The following ZNF107 variants were observed in gnomAD, a reference collection of about 807,000 sequenced individuals.
The protein encoded by ZNF107 is C2H2 type zinc-finger protein.
In ZNF107, 19 loss-of-function variants were observed where a neutral mutation model predicts 12.3. The ratio of observed to expected loss-of-function variants is 1.55; its 90% CI spans 1.08 to 2.27. ZNF107 has a LOEUF of 2.27. ZNF107 is among the 30% of genes most tolerant of loss of function. The pLI, the probability that ZNF107 is intolerant of heterozygous loss-of-function variation, is 0.00. For missense variants in ZNF107, 958 were observed against 979.9 expected (o/e 0.98, Z 0.30); for synonymous variants, 317 against 330.5 (o/e 0.96, Z 0.44).
At chr7:64,698,034 C>G (rs1418408344) in intron 3 of ZNF107, among the ~76,000 whole-genome samples, 2 of 152,112 alleles carry the variant, frequency 1.3e-5, no homozygotes, top group African/African-American at 2.4e-5. Context: ...CACCAGAAGT[C>G]AATATGGGTT....
intron 1 of ZNF107, among the ~76,000 whole-genome samples, chr7:64,681,127 G>T (rs541060120): frequency 1.3e-5 from 2 of 152,238 alleles, no homozygotes; most frequent in African/African-American, 4.8e-5. Context: ...CTCCTTCTCT[G>T]ATCTCCTCGG....
intron 1 of ZNF107, among the ~76,000 whole-genome samples, chr7:64,669,876 A>G (rs1181103379): frequency 6.6e-6 from 1 of 152,248 alleles, no homozygotes; most frequent in Non-Finnish European, 1.5e-5. Flanking sequence ...AACCCAAGTG[A>G]ATAACCTTGA....
At position 64,666,515 on chromosome 7, in the gene ZNF107, C is replaced by T. The variant is rs116100545; in HGVS notation, c.3+230C>T. Among the ~76,000 whole-genome samples, 366 of 152,310 alleles carry T rather than the reference C, an allele frequency of 2.4e-3. 4 individuals carry two copies. Among genetic ancestry groups the T allele is most frequent in the African/African-American group, 8.7e-3 (362 of 41,562 alleles). On this transcript the variant is annotated intron_variant, in intron 1 of 3. Transcript: ENST00000620827. Reference sequence around the variant, plus strand: ...GCTGACAGCCGGGACCCTGGGCGTCCTGTCTCCTCCCTGCTCAGTGACTGT... The same window carrying T: ...GCTGACAGCCGGGACCCTGGGCGTCTTGTCTCCTCCCTGCTCAGTGACTGT...
chr7:64,702,710 A>C (rs576070876), intron 3 of ZNF107, among the ~76,000 whole-genome samples: 1 of 152,026 alleles, frequency 6.6e-6, no homozygotes, highest in African/African-American at 2.4e-5. Flanking sequence ...GACATGTGCC[A>C]CTATACCCAG....
chr7:64,686,674 C>T (rs1291858845), intron 1 of ZNF107: 1 of 980,658 alleles, frequency 1.0e-6, no homozygotes, highest in Admixed American at 6.2e-5. Flanking sequence ...ACCAGAAAAC[C>T]TGCAACAACC....
chr7:64,694,043 C>T (rs1022362060), intron 3 of ZNF107, among the ~76,000 whole-genome samples: 4 of 152,092 alleles, frequency 2.6e-5, no homozygotes, highest in Non-Finnish European at 4.4e-5. Flanking sequence ...CCATCTCTAC[C>T]GCCCAAAGTG....
intron 1 of ZNF107, among the ~76,000 whole-genome samples, chr7:64,676,117 G>T (rs1789407495): frequency 6.6e-6 from 1 of 152,214 alleles, no homozygotes; most frequent in African/African-American, 2.4e-5. Context: ...CTCCCAAAGT[G>T]CTGGGACTAC....
Position 64,707,571 on chromosome 7 carries a change from C to A in ZNF107, c.1474C>A (p.Arg492=), listed in dbSNP as rs375727539. The A allele has an allele frequency of 1.4e-5, 22 of 1,612,922 alleles. No homozygotes were observed. In the Admixed American group the frequency reaches 3.7e-4, roughly 27 times the overall value. The part of the protein sequence containing the change: ...KCEECGKAFN[R]SSTLTRHKKI... ...TGAAGAATGTGGAAAAGCTTTTAAT[C>A]GATCCTCAACCCTTACTAGACATAA... The change falls in exon 4 of 4, where the codon CGA becomes AGA. Residue 492 remains arginine (R), a synonymous_variant. Coordinates refer to ENST00000620827, the MANE Select transcript of ZNF107 (RefSeq NM_001282359.2).
At chr7:64,694,883 G>A (rs1244635461) in intron 3 of ZNF107, among the ~76,000 whole-genome samples, 3 of 152,080 alleles carry the variant, frequency 2.0e-5, no homozygotes, top group Non-Finnish European at 2.9e-5. Flanking sequence ...AAATAAATTA[G>A]ATAATTAGTA....
At chr7:64,699,275 A>T (rs946703735) in intron 3 of ZNF107, among the ~76,000 whole-genome samples, 2 of 152,158 alleles carry the variant, frequency 1.3e-5, no homozygotes, top group African/African-American at 4.8e-5. Flanking sequence ...AAATTTTTTT[A>T]CCCTTGAGCA....
At chr7:64,704,534 G>A (rs1351698979) in intron 3 of ZNF107, among the ~76,000 whole-genome samples, 3 of 152,104 alleles carry the variant, frequency 2.0e-5, no homozygotes, top group Middle Eastern at 3.2e-3. Flanking sequence ...ACGAGACACC[G>A]CGCCTGGCTG....
At position 64,706,278 on chromosome 7, in the gene ZNF107, T is replaced by C; in HGVS notation, c.227-46T>C. 2 of 1,464,668 alleles carry C rather than the reference T, an allele frequency of 1.4e-6. 1 individual carries two copies. Among genetic ancestry groups the C allele is most frequent in the South Asian group, 3.1e-5 (2 of 65,398 alleles). 90.7% of individuals were successfully genotyped at this position (1,464,668 alleles called of 1,614,324 possible). On this transcript the variant is annotated intron_variant, in intron 3 of 3. Transcript: ENST00000620827. ...TAGATTAGATTTTAAAGTACATTTA[T>C]CTGAGTCTAGCAAGTGGAGTAATTT...
intron 1 of ZNF107, among the ~76,000 whole-genome samples, chr7:64,676,951 CCAGA>C (rs1304032854): frequency 6.6e-6 from 1 of 152,050 alleles, no homozygotes. Context: ...ATTCACTGAG[CCAGA>C]CAAAGGCATG....
chr7:64,688,237 A>G (rs1789992323), intron 1 of ZNF107, among the ~76,000 whole-genome samples: 1 of 148,806 alleles, frequency 6.7e-6, no homozygotes. Context: ...GAGAATCTCC[A>G]TATTTTTTCC....
At chr7:64,698,809 G>C (rs1023267567) in intron 3 of ZNF107, among the ~76,000 whole-genome samples, 6 of 151,892 alleles carry the variant, frequency 4.0e-5, no homozygotes, top group African/African-American at 1.5e-4. Flanking sequence ...TAAGAGATTT[G>C]TTATTTTTTA....
intron 1 of ZNF107, among the ~76,000 whole-genome samples, chr7:64,669,972 G>A (rs958854684): frequency 2.0e-5 from 3 of 152,064 alleles, no homozygotes; most frequent in African/African-American, 7.3e-5. Flanking sequence ...TAAAGGCCCA[G>A]TTAGTTCTTT....
At chr7:64,680,214 A>G (rs1789602120) in intron 1 of ZNF107, among the ~76,000 whole-genome samples, 1 of 151,916 alleles carries the variant, frequency 6.6e-6, no homozygotes, top group Non-Finnish European at 1.5e-5. Context: ...GTCCGAGTTC[A>G]TGTTTCTTTC....
rs141980471 is a variant in ZNF107, at chr7:64,700,506, C to CTTTTTTTTTT, written c.227-5798_227-5789dup. On this transcript the variant is annotated intron_variant, in intron 3 of 3. Transcript: ENST00000620827. ...GTCTGTCAAACCAAGCCAAATAAAC[C>CTTTTTTTTTT]TTTTTTTTTTTTTTTTTTTTTTTTT... is the stretch of plus-strand genomic sequence containing the variant. Among the ~76,000 whole-genome samples, 31 of 66,252 alleles carry CTTTTTTTTTT rather than the reference C, an allele frequency of 4.7e-4. 1 individual carries two copies. The highest frequency in any genetic ancestry group is 1.4e-3 in the African/African-American group (22 of 16,232). 43.5% of individuals were successfully genotyped at this position (66,252 alleles called of 152,430 possible). A position where few individuals can be genotyped will look rare whatever the true frequency, so the allele number is the denominator to read the frequency against.
At chr7:64,686,776 C>T in intron 1 of ZNF107, 1 of 855,058 alleles carries the variant, frequency 1.2e-6, no homozygotes, top group Non-Finnish European at 1.4e-6. Context: ...TGTAATTTTC[C>T]ACCCGCCACT....
Sources: gnomAD v4.1 joint callset for allele counts (sites outside exome capture counted in the v4.1 genomes callset) on GRCh38, gnomAD v4.1.1 for gene constraint, MANE v1.5 for transcripts, NCBI Gene and HGNC (gene_info 2026-07-23, HGNC 2026-07-21) for gene names.